Variants in TPD52 observed in about 807,000 individuals in gnomAD.
TPD52 encodes tumor protein D52.
A neutral mutation model predicts 31.3 loss-of-function variants in TPD52; 17 were observed. That is an observed-to-expected ratio of 0.54 (90% CI 0.37 to 0.82). The LOEUF is 0.82. Among genes scored for constraint, TPD52 ranks in the 40% least tolerant of loss-of-function variants. The pLI, the probability that TPD52 is intolerant of heterozygous loss-of-function variation, is 0.00. For synonymous variants in TPD52, 83 were observed against 89.6 expected (o/e 0.93, Z 0.42); for missense variants, 212 against 240.1 (o/e 0.88, Z 0.77).
At chr8:80,129,007 G>A (rs900221149) in intron 1 of TPD52, among the ~76,000 whole-genome samples, 3 of 151,798 alleles carry the variant, frequency 2.0e-5, no homozygotes, top group African/African-American at 7.3e-5. Context: ...AGCCTTTGAA[G>A]TTTGCTTGAA....
At chr8:80,163,324 G>A (rs535629996) in intron 1 of TPD52, among the ~76,000 whole-genome samples, 67 of 152,292 alleles carry the variant, frequency 4.4e-4, no homozygotes, top group African/African-American at 1.6e-3. Flanking sequence ...TGCTACACAC[G>A]CATGAGCCCC....
chr8:80,169,149 T>G lies in TPD52; in HGVS notation c.19+2276A>C, dbSNP rs112692608. Among the ~76,000 whole-genome samples the G allele has an allele frequency of 8.7e-3, 1,323 of 152,296 alleles. 19 individuals are homozygous for G. Among genetic ancestry groups the G allele is most frequent in the African/African-American group, 0.03 (1,231 of 41,560 alleles). ...ACAGGCCGGTGCCACCGCGCCGAGCTAATTTTTGTATTTTTAGTAGAGACA... is the reference window on the plus strand; with the variant it reads ...ACAGGCCGGTGCCACCGCGCCGAGCGAATTTTTGTATTTTTAGTAGAGACA... On this transcript the variant is annotated intron_variant, in intron 1 of 7. Coordinates refer to ENST00000518937, the MANE Select transcript of TPD52 (RefSeq NM_001025253.3).
At chr8:80,051,965 GTTCTT>G (rs1203430371) in intron 3 of TPD52, 30 of 216,778 alleles carry the variant, frequency 1.4e-4, no homozygotes, top group Non-Finnish European at 2.2e-4. Flanking sequence ...CATACCTATT[GTTCTT>G]TTCTCACATA....
At chr8:80,149,350 C>T (rs534908010) in intron 1 of TPD52, among the ~76,000 whole-genome samples, 15 of 152,336 alleles carry the variant, frequency 9.8e-5, no homozygotes, top group Non-Finnish European at 1.8e-4. Flanking sequence ...GCTTCTCATT[C>T]GCCTTCCACC....
At chr8:80,121,081 C>CA (rs762105086) in intron 1 of TPD52, among the ~76,000 whole-genome samples, 4,109 of 98,368 alleles carry the variant, frequency 0.042, 170 homozygotes, top group African/African-American at 0.13. Context: ...GACTCTGTCT[C>CA]AAAAAAAAAA....
At chr8:80,150,777 T>A (rs967492167) in intron 1 of TPD52, among the ~76,000 whole-genome samples, 4 of 152,218 alleles carry the variant, frequency 2.6e-5, no homozygotes, top group Admixed American at 2.0e-4. Flanking sequence ...CTTCATTGTA[T>A]CTAGGAAGTA....
At chr8:80,129,615 T>A (rs747824423) in intron 1 of TPD52, among the ~76,000 whole-genome samples, 2 of 152,176 alleles carry the variant, frequency 1.3e-5, no homozygotes, top group Non-Finnish European at 2.9e-5. Flanking sequence ...GTTCCATAGT[T>A]TGTTTAGCTG....
intron 1 of TPD52, among the ~76,000 whole-genome samples, chr8:80,105,476 C>A (rs554415013): frequency 5.9e-5 from 9 of 152,116 alleles, no homozygotes; most frequent in African/African-American, 2.2e-4. Context: ...CTTGCTCAAT[C>A]GATCACGACC....
intron 1 of TPD52, among the ~76,000 whole-genome samples, chr8:80,142,313 A>G (rs961308587): frequency 6.6e-6 from 1 of 152,216 alleles, no homozygotes; most frequent in African/African-American, 2.4e-5. Flanking sequence ...ACCTGTGTAC[A>G]GGAAAAACTG....
intron 1 of TPD52, among the ~76,000 whole-genome samples, chr8:80,114,717 T>G (rs1807739730): frequency 6.6e-6 from 1 of 151,674 alleles, no homozygotes; most frequent in African/African-American, 2.4e-5. Flanking sequence ...CCTGTGCCTC[T>G]GTTGATGTAG....
At chr8:80,119,536 G>A (rs1005346489) in intron 1 of TPD52, among the ~76,000 whole-genome samples, 26 of 152,044 alleles carry the variant, frequency 1.7e-4, no homozygotes, top group African/African-American at 6.0e-4. Flanking sequence ...TTTTCTGGGG[G>A]AAAAAAAGTC....
chr8:80,040,879 C>G (rs1224949683), intron 7 of TPD52, among the ~76,000 whole-genome samples: 1 of 152,160 alleles, frequency 6.6e-6, no homozygotes. Context: ...TCATCAGATG[C>G]ATATTGAGCA....
chr8:80,038,140 T>G lies in TPD52; in HGVS notation c.600A>C (p.Pro200=). ...CTCACAGGCTCTCCTGTGTCTTTTCTGGAAGAGGCTCCGTGGTGGTGGCAC... is the reference window on the plus strand; with the variant it reads ...CTCACAGGCTCTCCTGTGTCTTTTCGGGAAGAGGCTCCGTGGTGGTGGCAC... ...NASATTTEPL[P]EKTQESL is the part of the protein sequence containing the mutation. Residue 200 remains proline, a synonymous_variant, in exon 8 of 8, where the codon CCA becomes CCC. Transcript: ENST00000518937. The G allele has an allele frequency of 6.2e-7, 1 of 1,614,164 alleles. No homozygotes were observed. Among genetic ancestry groups the G allele is most frequent in the South Asian group, 1.1e-5 (1 of 91,076 alleles).
intron 1 of TPD52, among the ~76,000 whole-genome samples, chr8:80,134,922 C>T (rs62516114): frequency 0.11 from 17,216 of 152,170 alleles, 1,245 homozygotes; most frequent in South Asian, 0.21. Context: ...TGTTACACAG[C>T]GATAGATAAC....
intron 1 of TPD52, among the ~76,000 whole-genome samples, chr8:80,065,040 G>A (rs1812966360): frequency 6.6e-6 from 1 of 152,110 alleles, no homozygotes; most frequent in Non-Finnish European, 1.5e-5. Context: ...CATAAACTCA[G>A]TAAAGGAGTA....
intron 1 of TPD52, among the ~76,000 whole-genome samples, chr8:80,143,403 T>C (rs931664933): frequency 4.6e-5 from 7 of 152,312 alleles, no homozygotes; most frequent in South Asian, 4.1e-4. Flanking sequence ...ACTTCACTGA[T>C]AGACTTACGT....
At chr8:80,130,955 A>G (rs1046646230) in intron 1 of TPD52, among the ~76,000 whole-genome samples, 8 of 152,238 alleles carry the variant, frequency 5.3e-5, no homozygotes. Flanking sequence ...AAAGAGAACA[A>G]TCTAGGAAGA....
In TPD52 at chr8:80,050,469, A is replaced by C. The variant is rs1811254751; in HGVS notation, c.389T>G (p.Leu130Trp). 6.2e-7 allele frequency: 1 copy of C among 1,606,180 alleles called. No individual in the cohort carries two copies. Among genetic ancestry groups the C allele is most frequent in the Non-Finnish European group, 8.5e-7 (1 of 1,176,482 alleles). Residue 130 changes from leucine (L) to tryptophan (W), a missense_variant and splice_region_variant, in exon 5 of 8, where the codon TTG becomes TGG. Leu to Trp is a moderately conservative substitution (Grantham distance 61). Coordinates refer to ENST00000518937, the MANE Select transcript of TPD52 (RefSeq NM_001025253.3). Reference sequence around the variant, plus strand: ...CCTAAAGGAATGTGAAAAGGCTTGCAATCTGTAAGAAGCCAGAGTAAGCAT... The same window carrying C: ...CCTAAAGGAATGTGAAAAGGCTTGCCATCTGTAAGAAGCCAGAGTAAGCAT... ...VITKKLEDVK[L>W]QAFSHSFSIR...
At chr8:80,143,200 G>A in intron 1 of TPD52, among the ~76,000 whole-genome samples, 1 of 112,734 alleles carries the variant, frequency 8.9e-6, no homozygotes, top group East Asian at 4.8e-4. Flanking sequence ...CTAGGAGTTT[G>A]TATATACCAC....
Sources: allele counts gnomAD v4.1 joint callset (sites outside exome capture counted in the v4.1 genomes callset), GRCh38; gene constraint gnomAD v4.1.1; transcripts MANE v1.5; gene names NCBI Gene and HGNC (gene_info 2026-07-23, HGNC 2026-07-21).